Variants in ARFGEF1 observed in about 807,000 individuals in gnomAD.
ARFGEF1 encodes the protein brefeldin A-inhibited guanine nucleotide-exchange protein 1.
ARFGEF1 carries 42 observed loss-of-function variants against 231.0 expected under a neutral mutation model. The observed-to-expected ratio is 0.18, with a 90% CI of 0.14 to 0.24. ARFGEF1 has a LOEUF of 0.24. Among genes scored for constraint, ARFGEF1 ranks in the 10% least tolerant of loss-of-function variants. ARFGEF1 has a pLI of 1.00. For synonymous variants in ARFGEF1, 710 were observed against 732.3 expected (o/e 0.97, Z 0.49); for missense variants, 1,345 against 2,192.0 (o/e 0.61, Z 7.72).
chr8:67,325,907 G>A (rs1267936059), intron 1 of ARFGEF1, among the ~76,000 whole-genome samples: 9 of 152,202 alleles, frequency 5.9e-5, no homozygotes, highest in African/African-American at 2.2e-4. Context: ...AAAAGGCTGG[G>A]CGCAGTGGCT....
At chr8:67,191,712 A>C (rs1316962526) in intron 5 of ARFGEF1, among the ~76,000 whole-genome samples, 7 of 152,230 alleles carry the variant, frequency 4.6e-5, no homozygotes, top group Non-Finnish European at 1.0e-4. Context: ...TAGTATGGAT[A>C]CTATTAATGT....
At chr8:67,188,863 C>G (rs181828445) in intron 5 of ARFGEF1, among the ~76,000 whole-genome samples, 5 of 152,302 alleles carry the variant, frequency 3.3e-5, no homozygotes, top group Admixed American at 2.6e-4. Flanking sequence ...TTCCACGGTT[C>G]TCTTCTGTGA....
In ARFGEF1 at chr8:67,236,362, AAAAATATATATATATATATATATATATAT is replaced by A. The variant is rs1335771904; in HGVS notation, c.3289+1952_3289+1980del. ...AAAGATATTAGTTAAAAAAAAAAAA[AAAAATATATATATATATATATATATATAT>A]ATATATATATATATATATATGTATC... On this transcript the variant is annotated intron_variant, in intron 22 of 38. Transcript: ENST00000262215. 2.0e-3 allele frequency among the ~76,000 whole-genome samples: 83 copies of A among 41,762 alleles called. 3 individuals carry two copies. The highest frequency in any genetic ancestry group is 0.014 in the South Asian group (15 of 1,108). The allele number at this position is 41,762 out of a possible 152,430, so 27.4% of individuals were successfully genotyped here.
At chr8:67,302,235 T>C (rs1291730789) in intron 2 of ARFGEF1, among the ~76,000 whole-genome samples, 2 of 152,046 alleles carry the variant, frequency 1.3e-5, no homozygotes, top group African/African-American at 4.8e-5. Context: ...TAAATATATA[T>C]AAAAATAGGT....
intron 19 of ARFGEF1, 64 bp from the exon 20 acceptor site, chr8:67,240,354 C>T (rs1839892502): frequency 7.1e-7 from 1 of 1,404,802 alleles, no homozygotes; most frequent in Non-Finnish European, 9.6e-7. Flanking sequence ...TTTCTCAAAT[C>T]TTTTAGACAA....
chr8:67,186,813 T>C (rs899907033), intron 5 of ARFGEF1, among the ~76,000 whole-genome samples: 2 of 152,210 alleles, frequency 1.3e-5, no homozygotes, highest in African/African-American at 2.4e-5. Context: ...AGTAAGCAGT[T>C]ATAATCAAGT....
chr8:67,233,295 G>A (rs1015921695), intron 22 of ARFGEF1, among the ~76,000 whole-genome samples: 1 of 151,932 alleles, frequency 6.6e-6, no homozygotes, highest in African/African-American at 2.4e-5. Flanking sequence ...TTCTGAGGAT[G>A]ATCCCAACTC....
At chr8:67,190,757 A>G (rs754193806) in intron 5 of ARFGEF1, 4 of 1,599,062 alleles carry the variant, frequency 2.5e-6, no homozygotes, top group Middle Eastern at 1.7e-4. Context: ...AGGACTAGAC[A>G]TTGTATGTAT....
chr8:67,335,086 A>C (rs1318719712), intron 1 of ARFGEF1, among the ~76,000 whole-genome samples: 2 of 151,998 alleles, frequency 1.3e-5, no homozygotes, highest in Non-Finnish European at 2.9e-5. Flanking sequence ...TCTTCAGCTA[A>C]GAGTATCACG....
At chr8:67,197,252 G>T (rs762164497), downstream of ARFGEF1, among the ~76,000 whole-genome samples, 50 of 152,136 alleles carry the variant, frequency 3.3e-4, no homozygotes, top group Admixed American at 3.3e-4. Flanking sequence ...TTTGAGACCA[G>T]CCTGGGCAAT....
intron 34 of ARFGEF1, among the ~76,000 whole-genome samples, 184 bp from the exon 35 acceptor site, chr8:67,205,003 T>C (rs1221778267): frequency 6.6e-6 from 1 of 152,140 alleles, no homozygotes; most frequent in Non-Finnish European, 1.5e-5. Flanking sequence ...TAGAAAAGCC[T>C]CGGAAAAGTA....
intron 5 of ARFGEF1, among the ~76,000 whole-genome samples, chr8:67,295,008 A>G (rs1477922812): frequency 6.6e-6 from 1 of 152,210 alleles, no homozygotes; most frequent in Non-Finnish European, 1.5e-5. Context: ...GGAGCTGGTC[A>G]CAAGGACACA....
intron 10 of ARFGEF1, among the ~76,000 whole-genome samples, chr8:67,269,935 A>T (rs115396287): frequency 0.015 from 2,304 of 152,250 alleles, 63 homozygotes; most frequent in African/African-American, 0.053. Flanking sequence ...AGATCTAAGA[A>T]TTTATATTTT....
chr8:67,244,266 A>AAAAAAAAAAAAAAAAAAAAAAC lies in ARFGEF1; in HGVS notation c.2851-3977_2851-3976insGTTTTTTTTTTTTTTTTTTTTT. ...TCAAAAAAAAAAAAAAAAAAAAAAA[A>AAAAAAAAAAAAAAAAAAAAAAC]AACATTCGACTACTGAGTCTCTCGT... On this transcript the variant is annotated intron_variant, in intron 19 of 38. Transcript: ENST00000262215. 2.9e-4 allele frequency among the ~76,000 whole-genome samples: 5 copies of AAAAAAAAAAAAAAAAAAAAAAC among 17,208 alleles called. 1 individual carries two copies. The highest frequency in any genetic ancestry group is 1.5e-3 in the African/African-American group (5 of 3,398). The allele number at this position is 17,208 out of a possible 152,430, so 11.3% of individuals were successfully genotyped here.
intron 10 of ARFGEF1, among the ~76,000 whole-genome samples, chr8:67,268,092 G>C (rs181601161): frequency 6.6e-6 from 1 of 152,124 alleles, no homozygotes; most frequent in Non-Finnish European, 1.5e-5. Context: ...TTCTATAAAA[G>C]TGACTTTAAG....
At chr8:67,177,218 T>G (rs1287579649) in intron 5 of ARFGEF1, among the ~76,000 whole-genome samples, 1 of 152,186 alleles carries the variant, frequency 6.6e-6, no homozygotes, top group African/African-American at 2.4e-5. Flanking sequence ...AATGTACTAT[T>G]CACAGGAACA....
At chr8:67,228,158 T>A (rs775626587) in intron 24 of ARFGEF1, 26 bp from the exon 25 acceptor site, 4 of 1,607,236 alleles carry the variant, frequency 2.5e-6, no homozygotes, top group Non-Finnish European at 2.5e-6. Context: ...ATTTTTTTTT[T>A]AGCTCAACAT....
rs1587364004 is a variant in ARFGEF1 at position 67,343,702 on chromosome 8, G to A, written c.-415C>T. 2.7e-6 allele frequency: 2 copies of A among 742,000 alleles called. No homozygotes were observed. The highest frequency in any genetic ancestry group is 3.3e-6 in the Non-Finnish European group (2 of 605,510). The allele number at this position is 742,000 out of a possible 1,614,324, so 46.0% of individuals were successfully genotyped here. ...CGAGAGAAGGGCTACCCTGGCTACTGTGGGGATTAGCACCCGCCGCGGCCG... is the reference window on the plus strand; with the variant it reads ...CGAGAGAAGGGCTACCCTGGCTACTATGGGGATTAGCACCCGCCGCGGCCG... On this transcript the variant is annotated 5_prime_UTR_variant, in exon 1 of 39. Coordinates refer to ENST00000262215, the MANE Select transcript of ARFGEF1 (RefSeq NM_006421.5).
At chr8:67,255,772 A>G (rs560796759) in intron 17 of ARFGEF1, among the ~76,000 whole-genome samples, 3 of 152,240 alleles carry the variant, frequency 2.0e-5, no homozygotes, top group Non-Finnish European at 4.4e-5. Flanking sequence ...TTGGACAACA[A>G]GCAGTTGCCA....
Sources: allele counts gnomAD v4.1 joint callset (sites outside exome capture counted in the v4.1 genomes callset), GRCh38; gene constraint gnomAD v4.1.1; transcripts MANE v1.5; gene names NCBI Gene and HGNC (gene_info 2026-07-23, HGNC 2026-07-21).